Variants in MARCHF8 observed in about 807,000 individuals in gnomAD.
MARCHF8 encodes E3 ubiquitin-protein ligase MARCHF8.
A neutral mutation model predicts 51.6 loss-of-function variants in MARCHF8; 40 were observed. The observed-to-expected ratio is 0.77, with a 90% CI of 0.60 to 1.01. The LOEUF (loss-of-function observed/expected upper bound fraction) is 1.01, where lower values mean the gene tolerates loss of function less well. Among genes scored for constraint, MARCHF8 ranks in the 50% least tolerant of loss-of-function variants. MARCHF8 has a pLI of 0.00. For synonymous variants in MARCHF8, 263 were observed against 280.3 expected, an observed-to-expected ratio of 0.94 and a Z score of 0.62; for missense variants, 685 against 708.6, an observed-to-expected ratio of 0.97 and a Z score of 0.38.
chr10:45,541,194 G>C (rs576210369), intron 1 of MARCHF8, among the ~76,000 whole-genome samples: 3 of 152,136 alleles, frequency 2.0e-5, no homozygotes, highest in African/African-American at 7.2e-5. Flanking sequence ...TGATAGACTG[G>C]ATTAAGAAAA....
chr10:45,470,027 T>C (rs1006198957), intron 3 of MARCHF8, among the ~76,000 whole-genome samples: 1 of 152,154 alleles, frequency 6.6e-6, no homozygotes, highest in Non-Finnish European at 1.5e-5. Flanking sequence ...ATGTTGGCTG[T>C]TGGCCCAGAG....
chr10:45,461,324 G>C lies in MARCHF8; in HGVS notation c.1176C>G (p.Cys392Trp), dbSNP rs1438985352. 6.2e-7 allele frequency: 1 copy of C among 1,607,732 alleles called. No homozygotes were observed. The highest frequency in any genetic ancestry group is 1.3e-5 in the African/African-American group (1 of 74,484). ...CGGAGCTCTTGATCCACTGCTGCAGGCAGGCCTGGTGCACGAAGTGGAGGC... is the reference window on the plus strand; with the variant it reads ...CGGAGCTCTTGATCCACTGCTGCAGCCAGGCCTGGTGCACGAAGTGGAGGC... ...TGSLHFVHQA[C>W]LQQWIKSSDT... The change falls in exon 6 of 8, where the codon TGC becomes TGG. Residue 392 changes from cysteine to tryptophan, a missense_variant. Coordinates refer to ENST00000453424, the MANE Select transcript of MARCHF8 (RefSeq NM_001282866.2).
chr10:45,498,932 G>A (rs2043226920), intron 2 of MARCHF8, among the ~76,000 whole-genome samples: 1 of 152,142 alleles, frequency 6.6e-6, no homozygotes, highest in Non-Finnish European at 1.5e-5. Flanking sequence ...ATATCTCTTT[G>A]AGACCTGGCT....
upstream of MARCHF8, among the ~76,000 whole-genome samples, chr10:45,538,768 T>A (rs371753280): frequency 6.6e-6 from 1 of 152,192 alleles, no homozygotes. Flanking sequence ...AAGAGCTAAC[T>A]ATCCTAAATA....
intron 2 of MARCHF8, among the ~76,000 whole-genome samples, chr10:45,512,335 G>A (rs1333102306): frequency 6.0e-5 from 9 of 149,974 alleles, no homozygotes; most frequent in Middle Eastern, 7.0e-3. Flanking sequence ...CAGCCACCCC[G>A]TCCGGGAGGG....
At chr10:45,572,582 A>G (rs2044443042) in intron 1 of MARCHF8, among the ~76,000 whole-genome samples, 1 of 152,146 alleles carries the variant, frequency 6.6e-6, no homozygotes, top group African/African-American at 2.4e-5. Context: ...GTTGTAAAAT[A>G]GGCAAACGGT....
rs563515686 is a variant in MARCHF8, at chr10:45,474,494, T to C, written c.154-10167A>G. On this transcript the variant is annotated intron_variant, in intron 3 of 7. Transcript: ENST00000453424. ...CCACACAGCCTCCTGAATACCCATC[T>C]GTCAGAGCTCTATCTCACAAAGGGC... Among the ~76,000 whole-genome samples the C allele has an allele frequency of 6.0e-5, 9 of 150,910 alleles. No homozygotes were observed. In the East Asian group the frequency reaches 1.8e-3, roughly 30 times the overall value.
At chr10:45,474,277 C>G (rs1168953176) in intron 3 of MARCHF8, among the ~76,000 whole-genome samples, 1 of 152,188 alleles carries the variant, frequency 6.6e-6, no homozygotes, top group Non-Finnish European at 1.5e-5. Flanking sequence ...CAGGACACAA[C>G]GTCCTGAACA....
chr10:45,464,938 T>G (rs1297366976), intron 3 of MARCHF8, among the ~76,000 whole-genome samples: 1 of 152,142 alleles, frequency 6.6e-6, no homozygotes, highest in African/African-American at 2.4e-5. Context: ...ACAGATCTAA[T>G]CTTGAAACTG....
At chr10:45,468,191 T>G (rs945577244) in intron 3 of MARCHF8, among the ~76,000 whole-genome samples, 1 of 152,226 alleles carries the variant, frequency 6.6e-6, no homozygotes, top group African/African-American at 2.4e-5. Context: ...TTTAACAAGG[T>G]TGCCAAAGAA....
chr10:45,572,199 A>C (rs1451480643), intron 1 of MARCHF8, among the ~76,000 whole-genome samples: 2 of 91,024 alleles, frequency 2.2e-5, no homozygotes, highest in African/African-American at 4.5e-5. Context: ...CCCCTTCTCC[A>C]CTTTCCTGGG....
chr10:45,485,271 G>A (rs1428685579), intron 3 of MARCHF8, among the ~76,000 whole-genome samples: 1 of 152,208 alleles, frequency 6.6e-6, no homozygotes, highest in Non-Finnish European at 1.5e-5. Context: ...AACCCAGGCA[G>A]TGATAAGTGC....
intron 1 of MARCHF8, among the ~76,000 whole-genome samples, chr10:45,577,631 T>A (rs1307154873): frequency 6.6e-6 from 1 of 151,410 alleles, no homozygotes; most frequent in Non-Finnish European, 1.5e-5. Context: ...AGAGAATGAA[T>A]GCTGGTGCCT....
rs149918892 is a variant in MARCHF8 at position 45,541,898 on chromosome 10, G to A, written c.-78-8609C>T. 2.7e-4 allele frequency among the ~76,000 whole-genome samples: 41 copies of A among 152,288 alleles called. No individual in the cohort carries two copies. In the East Asian group the frequency reaches 7.7e-3, roughly 29 times the overall value. On this transcript the variant is annotated intron_variant, in intron 1 of 6. Coordinates refer to the MARCHF8 transcript ENST00000319836. ...CTGTCCATTCCAACAACAAGGCTTTGGACTGTGCCAGAGCAAAGGACTACT... is the reference window on the plus strand; with the variant it reads ...CTGTCCATTCCAACAACAAGGCTTTAGACTGTGCCAGAGCAAAGGACTACT...
chr10:45,553,791 T>C (rs2044221924), intron 1 of MARCHF8, among the ~76,000 whole-genome samples: 1 of 151,856 alleles, frequency 6.6e-6, no homozygotes, highest in African/African-American at 2.4e-5. Context: ...TAAGACGGGA[T>C]TAGGAGGCAG....
rs1044843867 is a variant in MARCHF8 at position 45,469,733 on chromosome 10, C to T, written c.154-5406G>A. 1.8e-3 allele frequency among the ~76,000 whole-genome samples: 274 copies of T among 151,638 alleles called. 1 individual carries two copies. Among genetic ancestry groups the T allele is most frequent in the Middle Eastern group, 3.4e-3 (1 of 294 alleles). ...ACAAAAAATTAGCCAGGCGTGGTGG[C>T]GGGCGCCTGTAGTCCCAGCTACTCG... On this transcript the variant is annotated intron_variant, in intron 3 of 7. Coordinates refer to ENST00000453424, the MANE Select transcript of MARCHF8 (RefSeq NM_001282866.2).
rs555732445 is a variant in MARCHF8, at chr10:45,548,926, T to C, written c.-78-15637A>G. ...AAGAGAACTGCTTGAACCTGGGAAG[T>C]GGAGGTTGCAGTGACCCAAGATCAT... On this transcript the variant is annotated intron_variant, in intron 1 of 6. Coordinates refer to the MARCHF8 transcript ENST00000319836. 8.9e-5 allele frequency among the ~76,000 whole-genome samples: 13 copies of C among 146,624 alleles called. No homozygotes were observed. In the East Asian group the frequency reaches 2.2e-3, roughly 25 times the overall value.
chr10:45,588,713 T>G (rs2044644319), intron 1 of MARCHF8, among the ~76,000 whole-genome samples: 1 of 152,168 alleles, frequency 6.6e-6, no homozygotes, highest in African/African-American at 2.4e-5. Context: ...AAGAATCCAT[T>G]ATAGGCCGGG....
intron 2 of MARCHF8, among the ~76,000 whole-genome samples, chr10:45,506,243 C>A (rs1454161400): frequency 6.6e-6 from 1 of 152,008 alleles, no homozygotes; most frequent in African/African-American, 2.4e-5. Context: ...ATAAAAAAAG[C>A]AAATCTTTGG....
Sources: allele counts gnomAD v4.1 joint callset (sites outside exome capture counted in the v4.1 genomes callset), GRCh38; gene constraint gnomAD v4.1.1; transcripts MANE v1.5; gene names NCBI Gene and HGNC (gene_info 2026-07-23, HGNC 2026-07-21).